The following SEMA6D variants were observed in gnomAD, a reference collection of about 807,000 sequenced individuals.
The protein encoded by SEMA6D is semaphorin 6D, also known as semaphorin-6D.
SEMA6D carries 35 observed loss-of-function variants against 106.6 expected under a neutral mutation model. The observed-to-expected ratio is 0.33, with a 90% confidence interval of 0.25 to 0.44. The LOEUF is 0.44. Among genes scored for constraint, SEMA6D ranks in the 20% least tolerant of loss-of-function variants. The pLI is 1.00. For missense variants in SEMA6D, 1,185 were observed against 1,345.9 expected, an observed-to-expected ratio of 0.88 and a Z score of 1.87; for synonymous variants, 499 against 487.7, an observed-to-expected ratio of 1.02 and a Z score of -0.31.
intron 1 of SEMA6D, among the ~76,000 whole-genome samples, chr15:47,276,629 T>A (rs1484463590): frequency 2.6e-5 from 4 of 152,138 alleles, no homozygotes; most frequent in Non-Finnish European, 5.9e-5. Context: ...AAAAAAAGAT[T>A]CACTTCAAAA....
chr15:47,367,850 C>T (rs573595333), intron 1 of SEMA6D, among the ~76,000 whole-genome samples: 6 of 152,172 alleles, frequency 3.9e-5, no homozygotes, highest in South Asian at 2.1e-4. Context: ...AATGTTGGAG[C>T]GATGCTTTCT....
At chr15:47,346,361 C>T (rs918407394) in intron 1 of SEMA6D, among the ~76,000 whole-genome samples, 1 of 152,130 alleles carries the variant, frequency 6.6e-6, no homozygotes, top group Non-Finnish European at 1.5e-5. Context: ...AGTTTTGTCT[C>T]CATTTGTTCC....
At chr15:47,593,433 AAATTCT>A (rs2076478658) in intron 3 of SEMA6D, among the ~76,000 whole-genome samples, 1 of 125,056 alleles carries the variant, frequency 8.0e-6, no homozygotes, top group Non-Finnish European at 1.7e-5. Context: ...AAAAAAAAAA[AAATTCT>A]ATACCGTCAA....
chr15:47,585,945 G>A (rs958421577), intron 3 of SEMA6D, among the ~76,000 whole-genome samples: 1 of 152,104 alleles, frequency 6.6e-6, no homozygotes, highest in East Asian at 1.9e-4. Context: ...TGATTAACTG[G>A]CTTTTTAAAG....
At chr15:47,547,153 A>T (rs1442775022) in intron 3 of SEMA6D, among the ~76,000 whole-genome samples, 1 of 152,178 alleles carries the variant, frequency 6.6e-6, no homozygotes, top group African/African-American at 2.4e-5. Flanking sequence ...TATTTCTTAT[A>T]CATCTTGAGC....
intron 4 of SEMA6D, among the ~76,000 whole-genome samples, chr15:47,607,799 C>G (rs1033957494): frequency 1.3e-5 from 2 of 152,180 alleles, no homozygotes; most frequent in Admixed American, 1.3e-4. Context: ...AAGGGGTACA[C>G]TGGCCTTTCT....
At chr15:47,735,619 C>A (rs565974045) in intron 1 of SEMA6D, among the ~76,000 whole-genome samples, 1 of 152,296 alleles carries the variant, frequency 6.6e-6, no homozygotes, top group Non-Finnish European at 1.5e-5. Flanking sequence ...TTAGATACAT[C>A]TTCAGTTCTG....
At chr15:47,560,315 A>C (rs1165360725) in intron 3 of SEMA6D, among the ~76,000 whole-genome samples, 1 of 145,918 alleles carries the variant, frequency 6.9e-6, no homozygotes, top group Non-Finnish European at 1.5e-5. Flanking sequence ...AAAGAACAAA[A>C]AGAAAGCATA....
intron 1 of SEMA6D, among the ~76,000 whole-genome samples, chr15:47,722,663 G>C (rs530823394): frequency 1.7e-4 from 26 of 152,118 alleles, no homozygotes; most frequent in African/African-American, 6.3e-4. Context: ...CTCATGTTTG[G>C]GTGTGAGTTA....
At chr15:47,283,509 C>A (rs776862516) in intron 1 of SEMA6D, among the ~76,000 whole-genome samples, 11 of 152,184 alleles carry the variant, frequency 7.2e-5, no homozygotes, top group Non-Finnish European at 1.5e-4. Flanking sequence ...TCCAAACTCT[C>A]ATTTTCTTTT....
At chr15:47,478,061 C>T (rs1310162532) in intron 3 of SEMA6D, among the ~76,000 whole-genome samples, 1 of 152,164 alleles carries the variant, frequency 6.6e-6, no homozygotes, top group African/African-American at 2.4e-5. Context: ...AGCAATTAGG[C>T]AGCTTTTATT....
chr15:47,393,852 A>G (rs1398417522), intron 1 of SEMA6D, among the ~76,000 whole-genome samples: 1 of 152,252 alleles, frequency 6.6e-6, no homozygotes, highest in Admixed American at 6.5e-5. Context: ...GTTTTTGAAG[A>G]TGAACATTTA....
rs1164276097 is a variant in SEMA6D at position 47,539,667 on chromosome 15, C to T, written c.-86-61198C>T. Among the ~76,000 whole-genome samples the T allele has an allele frequency of 6.6e-5, 10 of 152,210 alleles. No homozygotes were observed. In the East Asian group the frequency reaches 1.9e-3, roughly 29 times the overall value. ...CTCGATCTCTTGACCTCGTGATCCA[C>T]CCACCTTCGCCTCCCAACTGGCTGA... On this transcript the variant is annotated intron_variant, in intron 3 of 19. Transcript: ENST00000558014.
intron 1 of SEMA6D, among the ~76,000 whole-genome samples, chr15:47,267,671 C>T (rs2034382389): frequency 6.6e-6 from 1 of 152,020 alleles, no homozygotes; most frequent in South Asian, 2.1e-4. Context: ...TATTTTGGTT[C>T]TCCATCTTTT....
intron 3 of SEMA6D, among the ~76,000 whole-genome samples, chr15:47,480,169 T>C (rs1004986212): frequency 6.6e-6 from 1 of 152,072 alleles, no homozygotes; most frequent in African/African-American, 2.4e-5. Context: ...TATTTTCTTA[T>C]CATTCTTATT....
chr15:47,413,511 G>A (rs975438115), intron 2 of SEMA6D, among the ~76,000 whole-genome samples: 2 of 151,578 alleles, frequency 1.3e-5, no homozygotes, highest in African/African-American at 4.8e-5. Flanking sequence ...TGAGACAGAG[G>A]CTTGCTCTGT....
intron 3 of SEMA6D, among the ~76,000 whole-genome samples, chr15:47,590,322 T>A (rs898073184): frequency 6.6e-6 from 1 of 150,628 alleles, no homozygotes; most frequent in East Asian, 2.0e-4. Context: ...TAGGTGGGAA[T>A]TGAGCAATGA....
At chr15:47,493,853 G>A (rs929249564) in intron 3 of SEMA6D, among the ~76,000 whole-genome samples, 1 of 152,064 alleles carries the variant, frequency 6.6e-6, no homozygotes, top group Non-Finnish European at 1.5e-5. Flanking sequence ...GCTTTCTGTT[G>A]GAAAGTGCAT....
At chr15:47,310,540 G>T (rs1379465446) in intron 1 of SEMA6D, among the ~76,000 whole-genome samples, 1 of 151,958 alleles carries the variant, frequency 6.6e-6, no homozygotes, top group Non-Finnish European at 1.5e-5. Flanking sequence ...AAATTTCATG[G>T]GGACAAAATT....
Sources: gnomAD v4.1 joint callset for allele counts (sites outside exome capture counted in the v4.1 genomes callset) on GRCh38, gnomAD v4.1.1 for gene constraint, MANE v1.5 for transcripts, NCBI Gene and HGNC (gene_info 2026-07-23, HGNC 2026-07-21) for gene names.